The following TRPV3 variants were observed in gnomAD, a reference collection of about 807,000 sequenced individuals.
TRPV3 encodes the protein VRL-3.
A neutral mutation model predicts 87.1 loss-of-function variants in TRPV3; 88 were observed. The ratio of observed to expected loss-of-function variants is 1.01; its 90% CI spans 0.85 to 1.21. TRPV3 has a LOEUF of 1.21. Ranked by LOEUF, TRPV3 falls within the 50% of genes most tolerant of loss-of-function variation. TRPV3 has a pLI of 0.00. For missense variants in TRPV3, 1,054 were observed against 1,030.1 expected (o/e 1.02, Z -0.32); for synonymous variants, 438 against 423.3 (o/e 1.03, Z -0.43).
Position 3,524,431 on chromosome 17 carries a change from C to A in TRPV3, c.1578-68G>T, listed in dbSNP as rs1001741614. On this transcript the variant is annotated intron_variant, in intron 12 of 17. Coordinates refer to ENST00000576742, the MANE Select transcript of TRPV3 (RefSeq NM_145068.4). ...AGCATCAGGGCAAAGATATGCAAAT[C>A]CCCCAAACCTCCCTTAAACCCCCTG... 1.5e-4 allele frequency: 236 copies of A among 1,583,024 alleles called. 2 individuals are homozygous for A. In the Middle Eastern group the frequency reaches 2.2e-3, roughly 15 times the overall value.
chr17:3,540,222 TG>T (rs1033493190), intron 6 of TRPV3, among the ~76,000 whole-genome samples: 20 of 152,142 alleles, frequency 1.3e-4, no homozygotes, highest in Non-Finnish European at 2.8e-4. Context: ...GTGGTCACCT[TG>T]GGTCCTGCCC....
chr17:3,535,786 T>G, intron 6 of TRPV3, 73 bp from the exon 7 acceptor site: 1 of 1,378,742 alleles, frequency 7.3e-7, no homozygotes, highest in Non-Finnish European at 9.4e-7. Flanking sequence ...CGCTCTGGCC[T>G]CCATACCCTC....
intron 17 of TRPV3, chr17:3,514,281 G>A: frequency 2.1e-6 from 1 of 486,534 alleles, no homozygotes; most frequent in Non-Finnish European, 3.7e-6. Flanking sequence ...GTGTCACCAT[G>A]TTGGCCAGGC....
At chr17:3,548,155 C>T (rs1301683237) in intron 2 of TRPV3, among the ~76,000 whole-genome samples, 1 of 152,200 alleles carries the variant, frequency 6.6e-6, no homozygotes, top group Non-Finnish European at 1.5e-5. Context: ...CTGCCTCCTT[C>T]ATTCTAAGGC....
chr17:3,531,668 C>T (rs925280879), intron 8 of TRPV3, among the ~76,000 whole-genome samples: 1 of 152,186 alleles, frequency 6.6e-6, no homozygotes, highest in Admixed American at 6.5e-5. Flanking sequence ...GGGAAGACGG[C>T]CTTGGAGAAG....
intron 8 of TRPV3, among the ~76,000 whole-genome samples, chr17:3,531,527 C>T (rs2074349137): frequency 6.6e-6 from 1 of 152,178 alleles, no homozygotes; most frequent in Non-Finnish European, 1.5e-5. Flanking sequence ...GAGACAGGTG[C>T]CTCCCCCGGG....
chr17:3,533,757 A>G (rs955145446), intron 7 of TRPV3, among the ~76,000 whole-genome samples: 10 of 152,150 alleles, frequency 6.6e-5, no homozygotes, highest in South Asian at 2.1e-4. Context: ...TTGGCCTCCC[A>G]AAGTGCTGGG....
Position 3,526,759 on chromosome 17 carries a change from A to T in TRPV3, c.1577+95T>A, listed in dbSNP as rs1392136328. On this transcript the variant is annotated intron_variant, in intron 12 of 17. Coordinates refer to ENST00000576742, the MANE Select transcript of TRPV3 (RefSeq NM_145068.4). The stretch of plus-strand genomic sequence containing the variant: ...CAGAGTGACTGGGACACCGTGGCAC[A>T]GTAGGATATTTGTTCAAGAGGCGGA... The T allele has an allele frequency of 4.1e-6, 4 of 970,688 alleles. No homozygotes were observed. In the African/African-American group the frequency reaches 4.8e-5, roughly 12 times the overall value. The allele number at this position is 970,688 out of a possible 1,614,324, so 60.1% of individuals were successfully genotyped here.
At chr17:3,535,522 T>TCTCCCTC (rs748950496) in intron 7 of TRPV3, 51 bp downstream of exon 7, 7 of 1,420,578 alleles carry the variant, frequency 4.9e-6, no homozygotes, top group Non-Finnish European at 6.5e-6. Flanking sequence ...TCCTCTCCCG[T>TCTCCCTC]CTCCCTCCTC....
At chr17:3,544,498 C>T (rs995975942) in intron 4 of TRPV3, 81 bp downstream of exon 4, 13 of 848,240 alleles carry the variant, frequency 1.5e-5, no homozygotes, top group Non-Finnish European at 2.0e-5. Context: ...CTTTCTCCTT[C>T]CTGCAGGGCC....
At position 3,513,834 on chromosome 17, in the gene TRPV3, C is replaced by T; in HGVS notation, c.*83G>A. 1 of 1,212,290 alleles carries T rather than the reference C, an allele frequency of 8.2e-7. No homozygotes were observed. The highest frequency in any genetic ancestry group is 1.2e-6 in the Non-Finnish European group (1 of 831,664). 75.1% of individuals were successfully genotyped at this position (1,212,290 alleles called of 1,614,324 possible). A position where few individuals can be genotyped will look rare whatever the true frequency, so the allele number is the denominator to read the frequency against. On this transcript the variant is annotated 3_prime_UTR_variant, in exon 18 of 18. Transcript: ENST00000576742. ...GCCAGCAGAGCCGGACTCCACCATC[C>T]CTCAAAGCCTCTCTGCACAGAGTCG...
intron 3 of TRPV3, among the ~76,000 whole-genome samples, 192 bp from the exon 4 acceptor site, chr17:3,544,857 TACA>T (rs1163451375): frequency 6.6e-6 from 1 of 151,986 alleles, no homozygotes; most frequent in African/African-American, 2.4e-5. Context: ...CTACTAAAAA[TACA>T]ACAACTAGCC....
intron 13 of TRPV3, among the ~76,000 whole-genome samples, chr17:3,522,562 C>CA (rs1228111942): frequency 6.6e-6 from 1 of 151,194 alleles, no homozygotes; most frequent in Admixed American, 6.6e-5. Context: ...TTCCCCCCCC[C>CA]ACCCCCCAGC....
intron 6 of TRPV3, among the ~76,000 whole-genome samples, chr17:3,537,011 C>T (rs2074414504): frequency 6.6e-6 from 1 of 152,180 alleles, no homozygotes; most frequent in African/African-American, 2.4e-5. Flanking sequence ...TATAGCTAAC[C>T]TTTTGGTAGG....
At chr17:3,535,306 CTCT>C (rs1772927019) in intron 7 of TRPV3, among the ~76,000 whole-genome samples, 3 of 109,698 alleles carry the variant, frequency 2.7e-5, no homozygotes, top group African/African-American at 1.0e-4. Flanking sequence ...TCCTGCTTCC[CTCT>C]TCCTTTCTCC....
rs1179697565 is a variant in TRPV3 at position 3,546,841 on chromosome 17, G to A, written c.120-1570C>T. ...AAATTAGCTGGGTGTGGTGGTATGC[G>A]CCTGTAATCCCAGCTATTCAGGAGG... On this transcript the variant is annotated intron_variant, in intron 2 of 17. Transcript: ENST00000576742. 2.4e-5 allele frequency: 8 copies of A among 327,510 alleles called. 1 individual carries two copies. The highest frequency in any genetic ancestry group is 1.2e-4 in the South Asian group (5 of 40,774). The allele number at this position is 327,510 out of a possible 1,614,324, so 20.3% of individuals were successfully genotyped here.
chr17:3,537,220 G>A (rs1030964145), intron 6 of TRPV3, among the ~76,000 whole-genome samples: 2 of 151,904 alleles, frequency 1.3e-5, no homozygotes, highest in Non-Finnish European at 2.9e-5. Context: ...TGAACTCCTG[G>A]GCTCAAACGA....
intron 11 of TRPV3, 82 bp downstream of exon 11, chr17:3,527,943 G>T: frequency 9.1e-7 from 1 of 1,100,568 alleles, no homozygotes; most frequent in Non-Finnish European, 1.4e-6. Flanking sequence ...CCCCCCAGCA[G>T]TAATGGCAGA....
Position 3,519,412 on chromosome 17 carries a change from G to A in TRPV3, c.1811-562C>T, listed in dbSNP as rs1393164686. Among the ~76,000 whole-genome samples the A allele has an allele frequency of 2.4e-3, 338 of 142,510 alleles. 6 individuals carry two copies. Among genetic ancestry groups the A allele is most frequent in the African/African-American group, 9.1e-3 (318 of 35,134 alleles). 93.5% of individuals were successfully genotyped at this position (142,510 alleles called of 152,430 possible). On this transcript the variant is annotated intron_variant, in intron 14 of 17. Coordinates refer to ENST00000576742, the MANE Select transcript of TRPV3 (RefSeq NM_145068.4). ...TAGATGGAGGGATGGATGGATGGAT[G>A]GATGGATGATTGGATGGATGGATGG...
Sources: gnomAD v4.1 joint callset for allele counts (sites outside exome capture counted in the v4.1 genomes callset) on GRCh38, gnomAD v4.1.1 for gene constraint, MANE v1.5 for transcripts, NCBI Gene and HGNC (gene_info 2026-07-23, HGNC 2026-07-21) for gene names.